IKZF1: variants seen among roughly 807,000 people sequenced by gnomAD.
IKZF1 encodes DNA-binding protein Ikaros.
IKZF1 carries 10 observed loss-of-function variants against 51.7 expected under a neutral mutation model. That is an observed-to-expected ratio of 0.19 (90% confidence interval 0.12 to 0.33). The LOEUF is 0.33. Ranked by LOEUF, IKZF1 falls within the 10% of genes least tolerant of loss-of-function variation. The probability of loss-of-function intolerance (pLI) is 1.00; values close to 1 mark genes in which losing one functional copy is unlikely to be tolerated. For missense variants in IKZF1, 484 were observed against 707.5 expected (o/e 0.68, Z 3.58); for synonymous variants, 280 against 282.3 (o/e 0.99, Z 0.08).
At position 50,357,505 on chromosome 7, in the gene IKZF1, C is replaced by T. The variant is rs1231751638; in HGVS notation, c.161-19028C>T. Among the ~76,000 whole-genome samples, 4 of 152,320 alleles carry T rather than the reference C, an allele frequency of 2.6e-5. No homozygotes were observed. The South Asian group carries it at 8.3e-4, about 32-fold the overall frequency. Reference sequence around the variant, plus strand: ...CCTCCAGTTGGCATGGCTTAGTCTTCCTAAGAACATGTGCTGCTTCCCAGT... The same window carrying T: ...CCTCCAGTTGGCATGGCTTAGTCTTTCTAAGAACATGTGCTGCTTCCCAGT... On this transcript the variant is annotated intron_variant, in intron 3 of 7. Transcript: ENST00000331340.
chr7:50,319,087 T>C lies in IKZF1; in HGVS notation c.26T>C (p.Met9Thr), dbSNP rs964046541. Residue 9 changes from methionine (M) to threonine (T), a missense_variant, in exon 2 of 8, where the codon ATG becomes ACG. By Grantham distance (81) the Met-to-Thr change is moderately conservative (BLOSUM62 -1). Coordinates refer to ENST00000331340, the MANE Select transcript of IKZF1 (RefSeq NM_006060.6). MDADEGQD[M>T]SQVSGKESPP... ...ATGGATGCTGATGAGGGTCAAGACA[T>C]GTCCCAAGTTTCAGGTGAGACCTTA... 7.4e-6 allele frequency: 12 copies of C among 1,613,656 alleles called. No individual in the cohort carries two copies. The Admixed American group carries it at 2.0e-4, about 27-fold the overall frequency.
chr7:50,307,068 A>G (rs1788987460), intron 1 of IKZF1, among the ~76,000 whole-genome samples: 1 of 152,182 alleles, frequency 6.6e-6, no homozygotes, highest in African/African-American at 2.4e-5. Flanking sequence ...TTAACATCAA[A>G]CAGACCTGAA....
intron 3 of IKZF1, among the ~76,000 whole-genome samples, chr7:50,339,937 A>G (rs927020780): frequency 3.1e-4 from 47 of 152,312 alleles, no homozygotes; most frequent in African/African-American, 1.0e-3. Flanking sequence ...ATATTAGCCC[A>G]TGCAATATTC....
At chr7:50,368,260 G>A (rs1807579198) in intron 3 of IKZF1, 1 of 703,156 alleles carries the variant, frequency 1.4e-6, no homozygotes, top group South Asian at 1.5e-5. Context: ...CAGTTGTGCG[G>A]TGTCCTGGGA....
chr7:50,367,956 C>A (rs1256739481), intron 3 of IKZF1: 7 of 632,242 alleles, frequency 1.1e-5, no homozygotes, highest in Admixed American at 1.0e-4. Context: ...TCTGACTATA[C>A]TCTCTCCTGG....
intron 3 of IKZF1, among the ~76,000 whole-genome samples, chr7:50,329,516 A>G (rs1330746341): frequency 6.6e-6 from 1 of 152,264 alleles, no homozygotes; most frequent in Non-Finnish European, 1.5e-5. Context: ...TTCCTTTCAA[A>G]ACACATTCAT....
At chr7:50,312,007 T>C (rs1023662809) in intron 1 of IKZF1, among the ~76,000 whole-genome samples, 1 of 152,214 alleles carries the variant, frequency 6.6e-6, no homozygotes, top group African/African-American at 2.4e-5. Context: ...ACCCTTCTTT[T>C]AGAGGCAGTT....
chr7:50,369,702 C>G (rs1808092835), intron 3 of IKZF1: 8 of 396,848 alleles, frequency 2.0e-5, no homozygotes, highest in Non-Finnish European at 3.6e-5. Context: ...CCCTTTCACC[C>G]CCTCTACTGT....
At chr7:50,332,580 T>A (rs1335801454) in intron 3 of IKZF1, among the ~76,000 whole-genome samples, 2 of 151,880 alleles carry the variant, frequency 1.3e-5, no homozygotes, top group Non-Finnish European at 2.9e-5. Context: ...AATTTAGGGC[T>A]TAGAGTAGAA....
chr7:50,304,536 G>C (rs11761922), upstream of IKZF1: 51,070 of 149,798 alleles, frequency 0.34, 9,106 homozygotes, highest in East Asian at 0.54. Flanking sequence ...GCCAGGTACG[G>C]GGCCCGCGGG....
At chr7:50,392,843 A>G (rs79770408) in intron 7 of IKZF1, among the ~76,000 whole-genome samples, 1,719 of 152,342 alleles carry the variant, frequency 0.011, 37 homozygotes, top group African/African-American at 0.04. Flanking sequence ...ATGAGAAACC[A>G]GAATGCTGAC....
rs927190422 is a variant in IKZF1 at position 50,387,339 on chromosome 7, C to T, written c.590-6C>T. 5.0e-6 allele frequency: 8 copies of T among 1,612,510 alleles called. No individual in the cohort carries two copies. In the South Asian group the frequency reaches 7.7e-5, roughly 16 times the overall value. On this transcript the variant is annotated splice_polypyrimidine_tract_variant and splice_region_variant and intron_variant, in intron 5 of 7. Transcript: ENST00000331340. ...GGGGTCTTGAACTCAATTGTGTTTTCTGCAGTTGGTAAACCTCACAAATGT... is the reference window on the plus strand; with the variant it reads ...GGGGTCTTGAACTCAATTGTGTTTTTTGCAGTTGGTAAACCTCACAAATGT...
In IKZF1 at chr7:50,364,334, G is replaced by A. The variant is rs142201628; in HGVS notation, c.161-12199G>A. Among the ~76,000 whole-genome samples, 11 of 152,330 alleles carry A rather than the reference G, an allele frequency of 7.2e-5. 1 individual carries two copies. The South Asian group carries it at 1.7e-3, about 23-fold the overall frequency. Reference sequence around the variant, plus strand: ...ATAGGATTCAGAATCCAAGGTGTTCGCAGCATTTTATATGAAAATGTGCCT... The same window carrying A: ...ATAGGATTCAGAATCCAAGGTGTTCACAGCATTTTATATGAAAATGTGCCT... On this transcript the variant is annotated intron_variant, in intron 3 of 7. Transcript: ENST00000331340.
intron 7 of IKZF1, chr7:50,394,206 C>T (rs1816033947): frequency 4.3e-6 from 1 of 232,886 alleles, no homozygotes; most frequent in Non-Finnish European, 8.5e-6. Flanking sequence ...GACTCACAAG[C>T]AGCTGCATAA....
At chr7:50,369,583 A>G in intron 3 of IKZF1, 1 of 398,620 alleles carries the variant, frequency 2.5e-6, no homozygotes, top group Non-Finnish European at 4.4e-6. Context: ...CTTCCCCCGC[A>G]AAACAGCAAC....
At chr7:50,384,357 C>G (rs1812752407) in intron 5 of IKZF1, among the ~76,000 whole-genome samples, 1 of 152,206 alleles carries the variant, frequency 6.6e-6, no homozygotes, top group Non-Finnish European at 1.5e-5. Flanking sequence ...TGGCGGTGCA[C>G]ATGGAGAAGG....
intron 7 of IKZF1, among the ~76,000 whole-genome samples, chr7:50,397,964 C>T (rs754101804): frequency 5.1e-4 from 77 of 152,166 alleles, no homozygotes; most frequent in Non-Finnish European, 8.5e-4. Flanking sequence ...CAAAATAAGA[C>T]ATGAAACTCA....
intron 3 of IKZF1, among the ~76,000 whole-genome samples, chr7:50,375,093 T>G (rs1258386617): frequency 6.6e-6 from 1 of 151,882 alleles, no homozygotes; most frequent in Middle Eastern, 3.2e-3. Context: ...TCTCCCAAAT[T>G]TTGAGAACCA....
chr7:50,321,698 T>C (rs1162590824), intron 2 of IKZF1, among the ~76,000 whole-genome samples: 1 of 152,126 alleles, frequency 6.6e-6, no homozygotes, highest in Non-Finnish European at 1.5e-5. Context: ...AATTCATCTC[T>C]AGAATGTTTA....
Sources: gnomAD v4.1 joint callset for allele counts (sites outside exome capture counted in the v4.1 genomes callset) on GRCh38, gnomAD v4.1.1 for gene constraint, MANE v1.5 for transcripts, NCBI Gene and HGNC (gene_info 2026-07-23, HGNC 2026-07-21) for gene names.